Variants in SLC9A9 observed in about 807,000 individuals in gnomAD.
SLC9A9 encodes sodium/hydrogen exchanger 9.
Under a neutral mutation model 77.8 loss-of-function variants are expected in SLC9A9, and 62 were observed. That is an observed-to-expected ratio of 0.80 (90% CI 0.65 to 0.98). The LOEUF (loss-of-function observed/expected upper bound fraction) is 0.98, where lower values mean the gene tolerates loss of function less well. SLC9A9 is among the 50% of genes least tolerant of loss of function. The pLI is 0.00. For missense variants in SLC9A9, 775 were observed against 774.9 expected, an observed-to-expected ratio of 1.00 and a Z score of 0.00; for synonymous variants, 320 against 283.5, an observed-to-expected ratio of 1.13 and a Z score of -1.29.
At chr3:143,384,050 G>A (rs886106715) in intron 12 of SLC9A9, among the ~76,000 whole-genome samples, 2 of 152,170 alleles carry the variant, frequency 1.3e-5, no homozygotes, top group East Asian at 3.9e-4. Flanking sequence ...AGGTTACTGG[G>A]AAGAGCCTCT....
intron 12 of SLC9A9, among the ~76,000 whole-genome samples, chr3:143,434,022 G>C (rs2034575508): frequency 6.6e-6 from 1 of 151,928 alleles, no homozygotes; most frequent in South Asian, 2.1e-4. Flanking sequence ...CATCTCTCTG[G>C]GTCTCAGTGT....
chr3:143,635,631 C>A (rs1305625870), intron 6 of SLC9A9, among the ~76,000 whole-genome samples: 1 of 152,216 alleles, frequency 6.6e-6, no homozygotes, highest in African/African-American at 2.4e-5. Context: ...GGCTAGGAAA[C>A]CAGAATGTGT....
intron 6 of SLC9A9, among the ~76,000 whole-genome samples, 183 bp downstream of exon 6, chr3:143,652,072 A>G (rs2038805840): frequency 6.6e-6 from 1 of 152,180 alleles, no homozygotes; most frequent in African/African-American, 2.4e-5. Flanking sequence ...GAAACATAAA[A>G]CCCATTAATA....
chr3:143,582,039 A>G (rs1229105077), intron 6 of SLC9A9, among the ~76,000 whole-genome samples: 1 of 152,252 alleles, frequency 6.6e-6, no homozygotes, highest in Admixed American at 6.5e-5. Context: ...AAAGGAATAA[A>G]GAAAGAAAAG....
intron 12 of SLC9A9, among the ~76,000 whole-genome samples, chr3:143,429,928 T>C (rs1185417334): frequency 6.6e-6 from 1 of 152,144 alleles, no homozygotes; most frequent in Non-Finnish European, 1.5e-5. Flanking sequence ...TTTGTTACTT[T>C]ACAGATGAAG....
intron 3 of SLC9A9, among the ~76,000 whole-genome samples, chr3:143,795,816 C>A (rs2008370322): frequency 6.6e-6 from 1 of 152,202 alleles, no homozygotes; most frequent in Non-Finnish European, 1.5e-5. Flanking sequence ...AGTATTGGGA[C>A]TGGCAATGAG....
intron 9 of SLC9A9, among the ~76,000 whole-genome samples, chr3:143,545,252 A>T (rs1051019731): frequency 3.3e-5 from 5 of 152,188 alleles, no homozygotes; most frequent in Non-Finnish European, 7.3e-5. Context: ...ACTCCAAAAC[A>T]CCCAACCCAA....
At chr3:143,695,098 A>G (rs1323124136) in intron 4 of SLC9A9, among the ~76,000 whole-genome samples, 2 of 152,156 alleles carry the variant, frequency 1.3e-5, no homozygotes, top group African/African-American at 2.4e-5. Context: ...AGGACAGCAC[A>G]CTGCCGGTTA....
intron 14 of SLC9A9, among the ~76,000 whole-genome samples, chr3:143,308,416 A>T (rs899353420): frequency 2.0e-5 from 3 of 152,042 alleles, no homozygotes; most frequent in African/African-American, 7.2e-5. Context: ...CTCTACTAAA[A>T]ATACAAAAAA....
chr3:143,558,394 A>C (rs1283906229), intron 8 of SLC9A9, among the ~76,000 whole-genome samples: 1 of 152,106 alleles, frequency 6.6e-6, no homozygotes, highest in African/African-American at 2.4e-5. Context: ...GACAGCTTGC[A>C]CCGTGCACCT....
intron 14 of SLC9A9, among the ~76,000 whole-genome samples, chr3:143,341,622 G>A (rs4839590): frequency 0.7 from 106,650 of 152,078 alleles, 39,071 homozygotes; most frequent in African/African-American, 0.91. Flanking sequence ...CAAATTGCAA[G>A]TTAAACTTCC....
rs375748138 is a variant in SLC9A9, at chr3:143,398,288, G to T, written c.1470-16174C>A. Among the ~76,000 whole-genome samples, 3 of 152,172 alleles carry T rather than the reference G, an allele frequency of 2.0e-5. No homozygotes were observed. In the East Asian group the frequency reaches 5.8e-4, roughly 29 times the overall value. ...TAGGCCTTACAAGGCAAGGACTTGG[G>T]AGAGGTAATATTTGAGCTTGTATTC... On this transcript the variant is annotated intron_variant, in intron 12 of 15. Coordinates refer to ENST00000316549, the MANE Select transcript of SLC9A9 (RefSeq NM_173653.4).
intron 5 of SLC9A9, among the ~76,000 whole-genome samples, chr3:143,659,837 C>A (rs534791934): frequency 1.3e-5 from 2 of 152,126 alleles, no homozygotes; most frequent in Non-Finnish European, 2.9e-5. Flanking sequence ...TCCCATAATT[C>A]CCACATGTCA....
intron 14 of SLC9A9, among the ~76,000 whole-genome samples, chr3:143,280,654 G>A (rs1179400279): frequency 3.3e-5 from 5 of 150,168 alleles, no homozygotes; most frequent in African/African-American, 4.9e-5. Context: ...AAGTTCAAGC[G>A]ATTCTCCTGC....
intron 1 of SLC9A9, among the ~76,000 whole-genome samples, chr3:143,837,182 G>A (rs1287443058): frequency 2.0e-5 from 3 of 152,168 alleles, no homozygotes; most frequent in Admixed American, 6.5e-5. Flanking sequence ...CTATAATTGT[G>A]TCCAGACACC....
chr3:143,830,076 T>C (rs1337792735), intron 2 of SLC9A9, among the ~76,000 whole-genome samples: 1 of 152,186 alleles, frequency 6.6e-6, no homozygotes, highest in African/African-American at 2.4e-5. Context: ...CTACAGGTTG[T>C]TCAGTTTTGC....
At chr3:143,331,282 T>C (rs1244728300) in intron 14 of SLC9A9, among the ~76,000 whole-genome samples, 1 of 152,056 alleles carries the variant, frequency 6.6e-6, no homozygotes, top group African/African-American at 2.4e-5. Context: ...CCCACATGGG[T>C]AAGGAGAACA....
chr3:143,348,296 G>A (rs985776019), intron 14 of SLC9A9, among the ~76,000 whole-genome samples: 2 of 152,140 alleles, frequency 1.3e-5, no homozygotes, highest in Non-Finnish European at 1.5e-5. Context: ...CGCCCGGCCC[G>A]AAGTTAAGCA....
chr3:143,641,109 G>A (rs1435949923), intron 6 of SLC9A9, among the ~76,000 whole-genome samples: 1 of 152,114 alleles, frequency 6.6e-6, no homozygotes, highest in Non-Finnish European at 1.5e-5. Context: ...AACAGAGTAA[G>A]AGAAACTAGG....
Sources: allele counts gnomAD v4.1 joint callset (sites outside exome capture counted in the v4.1 genomes callset), GRCh38; gene constraint gnomAD v4.1.1; transcripts MANE v1.5; gene names NCBI Gene and HGNC (gene_info 2026-07-23, HGNC 2026-07-21).